NFYB: variants seen among roughly 807,000 people sequenced by gnomAD.
NFYB encodes the protein nuclear transcription factor Y subunit beta, also known as CAAT box DNA-binding protein subunit B.
In NFYB, 13 loss-of-function variants were observed where a neutral mutation model predicts 28.0. That is an observed-to-expected ratio of 0.46 (90% CI 0.30 to 0.74). The LOEUF (loss-of-function observed/expected upper bound fraction) is 0.74, where lower values mean the gene tolerates loss of function less well. NFYB is among the 30% of genes least tolerant of loss of function. The probability of loss-of-function intolerance (pLI) is 0.07; values close to 1 mark genes in which losing one functional copy is unlikely to be tolerated. For missense variants in NFYB, 142 were observed against 247.6 expected, an observed-to-expected ratio of 0.57 and a Z score of 2.86; for synonymous variants, 74 against 75.0, an observed-to-expected ratio of 0.99 and a Z score of 0.07.
intron 2 of NFYB, among the ~76,000 whole-genome samples, chr12:104,133,749 G>A (rs1318365175): frequency 6.6e-6 from 1 of 151,942 alleles, no homozygotes; most frequent in Non-Finnish European, 1.5e-5. Context: ...TCTATCTGAG[G>A]ATAAGAAATA....
intron 4 of NFYB, among the ~76,000 whole-genome samples, chr12:104,124,596 TATTTA>T (rs759378425): frequency 3.9e-5 from 6 of 152,336 alleles, no homozygotes; most frequent in Admixed American, 2.0e-4. Context: ...AATTTTAATA[TATTTA>T]ATTTAACCCA....
chr12:104,130,923 G>T (rs566789079), intron 2 of NFYB, among the ~76,000 whole-genome samples: 26 of 152,228 alleles, frequency 1.7e-4, no homozygotes, highest in African/African-American at 6.0e-4. Context: ...TTGGGGGTGG[G>T]GAGGGCAGGC....
At chr12:104,137,311 T>TATCC (rs2031138079) in intron 1 of NFYB, 1 of 152,268 alleles carries the variant, frequency 6.6e-6, no homozygotes, top group African/African-American at 2.4e-5. Context: ...AGGCCCTGCA[T>TATCC]ATCCTCCCGC....
chr12:104,135,436 AAATATACTTACTG>A lies in NFYB; in HGVS notation c.5_6+11del. On this transcript the variant is annotated splice_donor_variant and splice_donor_5th_base_variant and coding_sequence_variant and intron_variant, in exon 2 of 8. Coordinates refer to ENST00000240055, the MANE Select transcript of NFYB (RefSeq NM_006166.4). LOFTEE classifies it high-confidence loss of function. Reference sequence around the variant, plus strand: ...AATCTAATTAACAACCAAAATGGTAAAATATACTTACTGTCATGAAATACTGTCAGAACCGTGT... The same window carrying A: ...AATCTAATTAACAACCAAAATGGTAATCATGAAATACTGTCAGAACCGTGT... The A allele has an allele frequency of 6.3e-7, 1 of 1,587,296 alleles. No homozygotes were observed.
At chr12:104,122,565 T>C (rs902057766) in intron 5 of NFYB, among the ~76,000 whole-genome samples, 1 of 152,190 alleles carries the variant, frequency 6.6e-6, no homozygotes, top group Non-Finnish European at 1.5e-5. Context: ...TCATAGGCGC[T>C]GGAACCCTAT....
chr12:104,127,262 T>A (rs1440202817), intron 3 of NFYB, among the ~76,000 whole-genome samples: 3 of 152,156 alleles, frequency 2.0e-5, no homozygotes, highest in Non-Finnish European at 4.4e-5. Context: ...TAAAAATATA[T>A]CTCAATTTTT....
At chr12:104,122,889 TG>T (rs913030073) in intron 5 of NFYB, among the ~76,000 whole-genome samples, 1 of 152,056 alleles carries the variant, frequency 6.6e-6, no homozygotes, top group East Asian at 1.9e-4. Flanking sequence ...AAAAGCACAA[TG>T]GGGGCCGGGC....
At position 104,135,845 on chromosome 12, in the gene NFYB, G is replaced by A. The variant is rs563467317; in HGVS notation, c.-79-313C>T. Among the ~76,000 whole-genome samples, 6 of 152,140 alleles carry A rather than the reference G, an allele frequency of 3.9e-5. No homozygotes were observed. The East Asian group carries it at 1.2e-3, about 29-fold the overall frequency. ...AACATTCATTACAATACACCAAAAA[G>A]GGACCAAATTATATAATATGCAAGA... On this transcript the variant is annotated intron_variant, in intron 1 of 7. Transcript: ENST00000240055.
At chr12:104,126,589 C>T (rs1374920469) in intron 3 of NFYB, among the ~76,000 whole-genome samples, 4 of 152,134 alleles carry the variant, frequency 2.6e-5, no homozygotes, top group African/African-American at 7.2e-5. Flanking sequence ...TTCTCTTACA[C>T]ATTTTTAGAA....
chr12:104,127,677 TTTTTTTTG>T, intron 3 of NFYB, among the ~76,000 whole-genome samples: 1 of 145,302 alleles, frequency 6.9e-6, no homozygotes, highest in Admixed American at 6.8e-5. Flanking sequence ...TTTTTTTTTT[TTTTTTTTG>T]GAGACAGGGT....
intron 1 of NFYB, among the ~76,000 whole-genome samples, chr12:104,136,219 AC>A (rs1468174706): frequency 6.6e-6 from 1 of 152,210 alleles, no homozygotes; most frequent in Non-Finnish European, 1.5e-5. Flanking sequence ...ACAAATTAGT[AC>A]CAATTGCTGT....
chr12:104,126,086 A>G (rs1593630355), intron 4 of NFYB, 28 bp downstream of exon 4: 5 of 1,544,836 alleles, frequency 3.2e-6, no homozygotes, highest in Non-Finnish European at 3.5e-6. Flanking sequence ...CCTTGAAAAA[A>G]CCTAGTTAAA....
At position 104,121,292 on chromosome 12, in the gene NFYB, TCCA is replaced by T. The variant is rs771597120; in HGVS notation, c.456_458del (p.Gly153del). 13 of 1,612,400 alleles carry T rather than the reference TCCA, an allele frequency of 8.1e-6. No individual in the cohort carries two copies. The highest frequency in any genetic ancestry group is 1.1e-5 in the South Asian group (1 of 91,016). On this transcript the variant is annotated inframe_deletion, in exon 6 of 8. Coordinates refer to ENST00000240055, the MANE Select transcript of NFYB (RefSeq NM_006166.4). ...TTAGTCCATCTGTAGCTGTGACTGC[TCCA>T]CCAATTCCCTTTTCTCCTTTCATAG...
intron 2 of NFYB, chr12:104,131,917 G>T: frequency 2.7e-6 from 1 of 366,222 alleles, no homozygotes; most frequent in Non-Finnish European, 5.4e-6. Flanking sequence ...GAATCACCTA[G>T]TTTGAATTCC....
intron 5 of NFYB, among the ~76,000 whole-genome samples, chr12:104,121,714 C>A (rs1033658801): frequency 6.6e-6 from 1 of 152,238 alleles, no homozygotes; most frequent in East Asian, 1.9e-4. Flanking sequence ...GCCAACTGGG[C>A]AGTACTGTAG....
chr12:104,129,102 T>G (rs2030832233), intron 2 of NFYB, among the ~76,000 whole-genome samples: 1 of 152,232 alleles, frequency 6.6e-6, no homozygotes, highest in Non-Finnish European at 1.5e-5. Flanking sequence ...CTCTTTCTTT[T>G]TAAGTGCATA....
chr12:104,126,331 A>T, intron 3 of NFYB, 87 bp from the exon 4 acceptor site: 3 of 1,007,026 alleles, frequency 3.0e-6, no homozygotes, highest in Non-Finnish European at 4.1e-6. Context: ...CCAGAATAAA[A>T]TCATTCTGGT....
At chr12:104,123,175 C>CAAA (rs376212712) in intron 5 of NFYB, 51 bp downstream of exon 5, 24 of 1,113,520 alleles carry the variant, frequency 2.2e-5, no homozygotes, top group East Asian at 3.0e-5. Context: ...TACTCCACCT[C>CAAA]AAAAAAAAAA....
rs2030341887 is a variant in NFYB at position 104,118,413 on chromosome 12, T to A, written c.*1324A>T. On this transcript the variant is annotated 3_prime_UTR_variant, in exon 8 of 8. Coordinates refer to ENST00000240055, the MANE Select transcript of NFYB (RefSeq NM_006166.4). ...GGCTCCTTCTGGCAAAGTAAATGTTTCTGTTCAGCCTATATCTGGGAAATT... is the reference window on the plus strand; with the variant it reads ...GGCTCCTTCTGGCAAAGTAAATGTTACTGTTCAGCCTATATCTGGGAAATT... The A allele has an allele frequency of 6.6e-6, 1 of 152,630 alleles. No individual in the cohort carries two copies. The highest frequency in any genetic ancestry group is 2.4e-5 in the African/African-American group (1 of 41,450). 9.5% of individuals were successfully genotyped at this position (152,630 alleles called of 1,614,324 possible). A position where few individuals can be genotyped will look rare whatever the true frequency, so the allele number is the denominator to read the frequency against.
Sources: gnomAD v4.1 joint callset for allele counts (sites outside exome capture counted in the v4.1 genomes callset) on GRCh38, gnomAD v4.1.1 for gene constraint, MANE v1.5 for transcripts, NCBI Gene and HGNC (gene_info 2026-07-23, HGNC 2026-07-21) for gene names.